Variants in TPD52 observed in about 807,000 individuals in gnomAD.
TPD52 encodes prostate and colon associated protein.
A neutral mutation model predicts 31.3 loss-of-function variants in TPD52; 17 were observed. That is an observed-to-expected ratio of 0.54 (90% CI 0.37 to 0.82). TPD52 has a LOEUF of 0.82. TPD52 is among the 40% of genes least tolerant of loss of function. TPD52 has a pLI of 0.00. For missense variants in TPD52, 212 were observed against 240.1 expected, an observed-to-expected ratio of 0.88 and a Z score of 0.77; for synonymous variants, 83 against 89.6, an observed-to-expected ratio of 0.93 and a Z score of 0.42.
At chr8:80,106,857 C>CTTT (rs34455125) in intron 1 of TPD52, among the ~76,000 whole-genome samples, 12 of 143,784 alleles carry the variant, frequency 8.3e-5, no homozygotes, top group Admixed American at 4.9e-4. Context: ...CATAAATAAC[C>CTTT]TTTTTTTTTT....
intron 5 of TPD52, among the ~76,000 whole-genome samples, chr8:80,047,193 T>C (rs1010225283): frequency 6.6e-6 from 1 of 152,152 alleles, no homozygotes; most frequent in African/African-American, 2.4e-5. Context: ...CTAGGTGTGC[T>C]CGGTTCCAGT....
chr8:80,164,994 G>GA (rs1053823974), intron 1 of TPD52, among the ~76,000 whole-genome samples: 3 of 124,774 alleles, frequency 2.4e-5, no homozygotes, highest in Admixed American at 8.0e-5. Context: ...TGACAAACTA[G>GA]AAAAAAAATT....
chr8:80,094,650 T>G (rs968917052), intron 1 of TPD52, among the ~76,000 whole-genome samples: 4 of 150,924 alleles, frequency 2.7e-5, no homozygotes, highest in African/African-American at 9.7e-5. Context: ...TGGAAACAGA[T>G]AGTGGTGATG....
chr8:80,034,418 A>AC (rs910044512), downstream of TPD52, among the ~76,000 whole-genome samples: 12 of 151,378 alleles, frequency 7.9e-5, no homozygotes, highest in Admixed American at 3.9e-4. Context: ...AGAGCCTGCA[A>AC]CCCCCCAGCC....
intron 1 of TPD52, among the ~76,000 whole-genome samples, chr8:80,165,607 G>C (rs1235239405): frequency 6.6e-6 from 1 of 152,148 alleles, no homozygotes; most frequent in Non-Finnish European, 1.5e-5. Context: ...CAGGAAGAAA[G>C]AAACATTCTT....
intron 1 of TPD52, among the ~76,000 whole-genome samples, chr8:80,138,218 C>T (rs1373654153): frequency 6.6e-6 from 1 of 152,164 alleles, no homozygotes; most frequent in Non-Finnish European, 1.5e-5. Flanking sequence ...GCTGAGATAA[C>T]AGGCATGAGC....
chr8:80,040,523 A>T (rs905095257), intron 7 of TPD52, among the ~76,000 whole-genome samples: 2 of 152,104 alleles, frequency 1.3e-5, no homozygotes, highest in Non-Finnish European at 2.9e-5. Flanking sequence ...ACACTTTTTA[A>T]TCTGAATGGT....
intron 1 of TPD52, among the ~76,000 whole-genome samples, chr8:80,132,532 G>A (rs945480223): frequency 2.0e-5 from 3 of 152,118 alleles, no homozygotes; most frequent in African/African-American, 7.2e-5. Context: ...TTCGGTTGCC[G>A]TGAAAATTAA....
At chr8:80,120,115 AC>A (rs1398259056) in intron 1 of TPD52, among the ~76,000 whole-genome samples, 1 of 152,182 alleles carries the variant, frequency 6.6e-6, no homozygotes, top group African/African-American at 2.4e-5. Flanking sequence ...AGGTTTACAT[AC>A]CTTGTACCAT....
At chr8:80,065,841 CT>C (rs1813087036) in intron 1 of TPD52, among the ~76,000 whole-genome samples, 1 of 151,384 alleles carries the variant, frequency 6.6e-6, no homozygotes, top group Non-Finnish European at 1.5e-5. Flanking sequence ...GACGACTAAG[CT>C]TTTTGTCACC....
At chr8:80,168,455 A>G (rs73693139) in intron 1 of TPD52, among the ~76,000 whole-genome samples, 3,442 of 152,314 alleles carry the variant, frequency 0.023, 116 homozygotes, top group African/African-American at 0.077. Context: ...TGTACATTAA[A>G]AACTATTAAA....
chr8:80,071,438 G>A (rs555980181), intron 1 of TPD52, among the ~76,000 whole-genome samples: 54 of 152,092 alleles, frequency 3.6e-4, no homozygotes, highest in Admixed American at 1.2e-3. Context: ...CTGAGTCTTG[G>A]CTCTCAGGTC....
chr8:80,142,833 G>A (rs756568658), intron 1 of TPD52, among the ~76,000 whole-genome samples: 37 of 152,162 alleles, frequency 2.4e-4, no homozygotes, highest in Admixed American at 8.5e-4. Context: ...CTGACTTGAC[G>A]ACACTGCTGA....
intron 3 of TPD52, 136 bp downstream of exon 3, chr8:80,053,146 A>G: frequency 1.0e-6 from 1 of 970,010 alleles, no homozygotes; most frequent in Non-Finnish European, 1.5e-6. Context: ...CTTGAAAATC[A>G]GAAAAAAAGG....
At chr8:80,075,303 G>A (rs2130787563) in intron 1 of TPD52, among the ~76,000 whole-genome samples, 1 of 152,264 alleles carries the variant, frequency 6.6e-6, no homozygotes, top group South Asian at 2.1e-4. Flanking sequence ...AAGAGTAAAG[G>A]AAACAGAGCA....
intron 1 of TPD52, among the ~76,000 whole-genome samples, chr8:80,159,090 A>G (rs1811183715): frequency 6.6e-6 from 1 of 152,194 alleles, no homozygotes; most frequent in Non-Finnish European, 1.5e-5. Context: ...TAAACTGGGA[A>G]CCACTGAGTT....
At chr8:80,032,492 C>T (rs547943149), downstream of TPD52, among the ~76,000 whole-genome samples, 1 of 152,218 alleles carries the variant, frequency 6.6e-6, no homozygotes, top group East Asian at 1.9e-4. Flanking sequence ...TCGCTTGAGC[C>T]CAGAAGTTTA....
At chr8:80,127,757 A>T (rs1421809516) in intron 1 of TPD52, 1 of 150,754 alleles carries the variant, frequency 6.6e-6, no homozygotes, top group East Asian at 1.9e-4. Context: ...GAACCTGACA[A>T]ATACAGGTCC....
Position 80,050,180 on chromosome 8 carries a change from A to C in TPD52, c.413+265T>G, listed in dbSNP as rs541167667. Reference sequence around the variant, plus strand: ...TGGTAAAGCTGCTTCTTTTTACCAAAGAAAAAAGTAAAAAAGAAATGTCAA... The same window carrying C: ...TGGTAAAGCTGCTTCTTTTTACCAACGAAAAAAGTAAAAAAGAAATGTCAA... On this transcript the variant is annotated intron_variant, in intron 5 of 7. Transcript: ENST00000518937. Among the ~76,000 whole-genome samples the C allele has an allele frequency of 1.5e-4, 23 of 152,342 alleles. No homozygotes were observed. In the South Asian group the frequency reaches 4.6e-3, roughly 30 times the overall value.
Sources: gnomAD v4.1 joint callset for allele counts (sites outside exome capture counted in the v4.1 genomes callset) on GRCh38, gnomAD v4.1.1 for gene constraint, MANE v1.5 for transcripts, NCBI Gene and HGNC (gene_info 2026-07-23, HGNC 2026-07-21) for gene names.